Variants in ABCB4 observed in about 807,000 individuals in gnomAD.
The protein encoded by ABCB4 is ATP binding cassette subfamily B member 4, also known as phosphatidylcholine translocator ABCB4.
A neutral mutation model predicts 145.7 loss-of-function variants in ABCB4; 76 were observed. The ratio of observed to expected loss-of-function variants is 0.52; its 90% CI spans 0.43 to 0.63. The LOEUF is 0.63. ABCB4 is among the 30% of genes least tolerant of loss of function. ABCB4 has a pLI of 0.00. For synonymous variants in ABCB4, 517 were observed against 566.8 expected, an observed-to-expected ratio of 0.91 and a Z score of 1.25; for missense variants, 1,234 against 1,553.1, an observed-to-expected ratio of 0.79 and a Z score of 3.45.
intron 19 of ABCB4, among the ~76,000 whole-genome samples, chr7:87,419,310 A>G (rs1439328658): frequency 6.6e-6 from 1 of 152,208 alleles, no homozygotes; most frequent in Non-Finnish European, 1.5e-5. Flanking sequence ...AAATGTAATC[A>G]GTTCCTGTCA....
chr7:87,441,976 T>C (rs1352063353), intron 12 of ABCB4, among the ~76,000 whole-genome samples: 1 of 152,216 alleles, frequency 6.6e-6, no homozygotes, highest in African/African-American at 2.4e-5. Flanking sequence ...TAATCAATTA[T>C]GCCACTGGGC....
intron 3 of ABCB4, among the ~76,000 whole-genome samples, chr7:87,468,754 A>C (rs1440487306): frequency 2.6e-5 from 4 of 151,884 alleles, no homozygotes; most frequent in Admixed American, 2.0e-4. Context: ...AACATGGTGA[A>C]ACCCTGTCTC....
Position 87,409,343 on chromosome 7 carries a change from A to C in ABCB4, c.2974T>G (p.Ser992Ala), listed in dbSNP as rs1349438093. The C allele has an allele frequency of 1.2e-6, 2 of 1,614,036 alleles. No individual in the cohort carries two copies. Among genetic ancestry groups the C allele is most frequent in the African/African-American group, 2.7e-5 (2 of 74,938 alleles). ...GCTTTAGCATAGTCTGGAGCAAATG[A>C]ACTGGCATGTCCTAGAGCCACTGCA... ...FGAVALGHASSFAPDYAKAKL... is the reference protein window; with the variant it reads ...FGAVALGHASAFAPDYAKAKL... The change falls in exon 24 of 28, where the codon TCA becomes GCA. Residue 992 changes from serine (S) to alanine (A), a missense_variant. Ser to Ala is a moderately conservative substitution (Grantham distance 99). Transcript: ENST00000649586.
At chr7:87,439,214 C>T (rs1810808447) in intron 14 of ABCB4, among the ~76,000 whole-genome samples, 1 of 152,146 alleles carries the variant, frequency 6.6e-6, no homozygotes, top group African/African-American at 2.4e-5. Flanking sequence ...TAGACAAGTA[C>T]AGAGTTGAAC....
At chr7:87,467,619 C>T (rs1813014262) in intron 3 of ABCB4, among the ~76,000 whole-genome samples, 1 of 152,186 alleles carries the variant, frequency 6.6e-6, no homozygotes. Context: ...ACTGCACTTA[C>T]TCCAAAATTG....
At chr7:87,365,964 A>G in the ABCB4 span, among the ~76,000 whole-genome samples, 3 of 152,252 alleles carry the variant, frequency 2.0e-5, no homozygotes, top group African/African-American at 7.2e-5. Context: ...TAATTCAGTC[A>G]TACCTTTCAT....
the ABCB4 span, among the ~76,000 whole-genome samples, chr7:87,378,761 G>A: frequency 6.6e-6 from 1 of 152,096 alleles, no homozygotes; most frequent in Non-Finnish European, 1.5e-5. Flanking sequence ...GCTTGGCCTG[G>A]GTCACATGCC....
intron 3 of ABCB4, among the ~76,000 whole-genome samples, chr7:87,471,045 AT>A (rs1813353010): frequency 6.6e-6 from 1 of 152,194 alleles, no homozygotes; most frequent in South Asian, 2.1e-4. Flanking sequence ...GCCATAAAAA[AT>A]GATGAGTTCA....
At chr7:87,449,776 T>C (rs1811585294) in intron 8 of ABCB4, among the ~76,000 whole-genome samples, 192 bp downstream of exon 8, 1 of 152,234 alleles carries the variant, frequency 6.6e-6, no homozygotes, top group African/African-American at 2.4e-5. Flanking sequence ...AAAGAGTCCA[T>C]GGAACATAAA....
downstream of ABCB4, among the ~76,000 whole-genome samples, chr7:87,400,229 A>G (rs143935375): frequency 3.4e-4 from 52 of 152,324 alleles, 2 homozygotes; most frequent in East Asian, 9.4e-3. Flanking sequence ...GGAAAAAGTA[A>G]TATCTTGATA....
At chr7:87,390,371 G>T in the ABCB4 span, among the ~76,000 whole-genome samples, 1 of 152,078 alleles carries the variant, frequency 6.6e-6, no homozygotes, top group Admixed American at 6.6e-5. Flanking sequence ...TATTTCATTT[G>T]AGGTTACAGT....
the ABCB4 span, among the ~76,000 whole-genome samples, chr7:87,374,910 T>C: frequency 2.7e-4 from 41 of 151,976 alleles, no homozygotes; most frequent in African/African-American, 9.1e-4. Context: ...AGTAATTTCT[T>C]AACATGTGCC....
chr7:87,392,682 CATG>C, the ABCB4 span: 2 of 1,609,506 alleles, frequency 1.2e-6, no homozygotes, highest in Non-Finnish European at 1.7e-6. Flanking sequence ...AAAAATCTCT[CATG>C]GTGAAAAATT....
chr7:87,403,017 ACTAT>A, intron 27 of ABCB4, 114 bp downstream of exon 27: 1 of 1,149,454 alleles, frequency 8.7e-7, no homozygotes, highest in Admixed American at 1.7e-5. Context: ...AATAAAAACC[ACTAT>A]CTAACGTTCT....
chr7:87,377,592 A>G, the ABCB4 span: 7 of 574,768 alleles, frequency 1.2e-5, no homozygotes, highest in Non-Finnish European at 1.8e-5. Context: ...TTAGTTATGA[A>G]TTCTCATTGA....
At chr7:87,450,170 C>A in intron 7 of ABCB4, 78 bp from the exon 8 acceptor site, 1 of 1,575,460 alleles carries the variant, frequency 6.3e-7, no homozygotes, top group East Asian at 2.2e-5. Context: ...CTTTAACCTA[C>A]TTTTTCTTCC....
intron 25 of ABCB4, 160 bp from the exon 26 acceptor site, chr7:87,406,654 C>T: frequency 1.3e-6 from 1 of 772,460 alleles, no homozygotes. Flanking sequence ...GCATGGCCAA[C>T]ATGATGATTT....
chr7:87,446,302 A>G (rs1477433475), intron 9 of ABCB4, among the ~76,000 whole-genome samples: 1 of 152,202 alleles, frequency 6.6e-6, no homozygotes, highest in Non-Finnish European at 1.5e-5. Context: ...AAATAGTTAC[A>G]TATTGTTCTG....
chr7:87,447,121 C>T lies in ABCB4; in HGVS notation c.918G>A (p.Leu306=). ...SANISMGIAF[L]LIYASYALAF... Reference sequence around the variant, plus strand: ...CCAGTGCATATGATGCATATATTAACAGGAAGGCAATACCCATGGAAATGT... The same window carrying T: ...CCAGTGCATATGATGCATATATTAATAGGAAGGCAATACCCATGGAAATGT... Residue 306 remains leucine, a synonymous_variant, in exon 9 of 28, where the codon CTG becomes CTA. Transcript: ENST00000649586. 2 of 1,613,930 alleles carry T rather than the reference C, an allele frequency of 1.2e-6. No individual in the cohort carries two copies. Among genetic ancestry groups the T allele is most frequent in the Non-Finnish European group, 1.7e-6 (2 of 1,179,868 alleles).
Sources: allele counts gnomAD v4.1 joint callset (sites outside exome capture counted in the v4.1 genomes callset), GRCh38; gene constraint gnomAD v4.1.1; transcripts MANE v1.5; gene names NCBI Gene and HGNC (gene_info 2026-07-23, HGNC 2026-07-21).